Variants in ANKS1B observed in about 807,000 individuals in gnomAD.
The protein encoded by ANKS1B is ankyrin repeat and sterile alpha motif domain-containing protein 1B.
In ANKS1B, 36 loss-of-function variants were observed where a neutral mutation model predicts 148.3. That is an observed-to-expected ratio of 0.24 (90% CI 0.19 to 0.32). The LOEUF (loss-of-function observed/expected upper bound fraction) is 0.32. Ranked by LOEUF, ANKS1B falls within the 10% of genes least tolerant of loss-of-function variation. ANKS1B has a pLI of 1.00. For synonymous variants in ANKS1B, 542 were observed against 560.8 expected, an observed-to-expected ratio of 0.97 and a Z score of 0.47; for missense variants, 1,157 against 1,542.6, an observed-to-expected ratio of 0.75 and a Z score of 4.19.
intron 17 of ANKS1B, among the ~76,000 whole-genome samples, chr12:99,028,122 T>C (rs1470764399): frequency 1.3e-5 from 2 of 152,200 alleles, no homozygotes; most frequent in African/African-American, 2.4e-5. Flanking sequence ...CTTATATGAG[T>C]GAATTAAATA....
chr12:99,466,920 T>G (rs927106631), intron 10 of ANKS1B, among the ~76,000 whole-genome samples: 1 of 152,144 alleles, frequency 6.6e-6, no homozygotes, highest in African/African-American at 2.4e-5. Context: ...AAAGAGGGAA[T>G]CCTTCCTAAC....
intron 22 of ANKS1B, among the ~76,000 whole-genome samples, chr12:98,789,415 T>C (rs1219754850): frequency 7.5e-6 from 1 of 134,156 alleles, no homozygotes; most frequent in Non-Finnish European, 1.7e-5. Flanking sequence ...GATGAAGATG[T>C]ATAGTTTTTT....
intron 12 of ANKS1B, among the ~76,000 whole-genome samples, chr12:99,259,811 T>A (rs778432888): frequency 1.3e-5 from 2 of 152,208 alleles, no homozygotes; most frequent in Non-Finnish European, 2.9e-5. Context: ...AACTTCTTTG[T>A]TTCCCATGTA....
At chr12:99,858,900 A>G (rs565151528) in intron 1 of ANKS1B, among the ~76,000 whole-genome samples, 1 of 152,146 alleles carries the variant, frequency 6.6e-6, no homozygotes, top group Non-Finnish European at 1.5e-5. Context: ...TGAGGGATAT[A>G]AGACTACACA....
intron 16 of ANKS1B, among the ~76,000 whole-genome samples, chr12:99,083,031 T>C (rs1201199164): frequency 6.6e-6 from 1 of 152,158 alleles, no homozygotes; most frequent in Admixed American, 6.6e-5. Flanking sequence ...AATTACTTCC[T>C]GAATTGGTTC....
chr12:99,824,785 C>T (rs1219189939), intron 2 of ANKS1B, among the ~76,000 whole-genome samples: 1 of 152,062 alleles, frequency 6.6e-6, no homozygotes, highest in Non-Finnish European at 1.5e-5. Context: ...AACAGTTTTA[C>T]TTATTAAAAA....
chr12:99,831,244 ACC>A (rs1305815366), intron 1 of ANKS1B, among the ~76,000 whole-genome samples: 172 of 149,876 alleles, frequency 1.1e-3, no homozygotes, highest in African/African-American at 3.9e-3. Flanking sequence ...AAAAAAAAAA[ACC>A]AAACCCATAC....
intron 8 of ANKS1B, among the ~76,000 whole-genome samples, chr12:99,660,344 T>A (rs2098470187): frequency 6.6e-6 from 1 of 150,534 alleles, no homozygotes; most frequent in Non-Finnish European, 1.5e-5. Context: ...TGCCTACCTT[T>A]ATCTTTCTTT....
At chr12:99,214,411 G>A (rs2083829758) in intron 14 of ANKS1B, among the ~76,000 whole-genome samples, 1 of 152,144 alleles carries the variant, frequency 6.6e-6, no homozygotes. Flanking sequence ...CCAGTAGGAG[G>A]TAATTGAATC....
At chr12:99,158,920 G>C (rs2076357339) in intron 14 of ANKS1B, among the ~76,000 whole-genome samples, 1 of 152,180 alleles carries the variant, frequency 6.6e-6, no homozygotes, top group East Asian at 1.9e-4. Flanking sequence ...AAGCTGTAGA[G>C]GTTCAATTCC....
intron 17 of ANKS1B, among the ~76,000 whole-genome samples, chr12:98,922,963 G>A (rs1243930553): frequency 2.6e-5 from 4 of 152,180 alleles, no homozygotes; most frequent in African/African-American, 9.7e-5. Flanking sequence ...AGTCTGGGGA[G>A]GGGAGGTGCT....
intron 12 of ANKS1B, among the ~76,000 whole-genome samples, chr12:99,379,741 T>A (rs563760054): frequency 3.3e-5 from 5 of 152,322 alleles, no homozygotes; most frequent in Non-Finnish European, 7.4e-5. Flanking sequence ...AAGTTGTGAA[T>A]CCTAGTGTCT....
chr12:98,738,353 A>G (rs1248126800), intron 9 of ANKS1B, among the ~76,000 whole-genome samples: 2 of 152,146 alleles, frequency 1.3e-5, no homozygotes, highest in African/African-American at 4.8e-5. Flanking sequence ...AATTTCCATC[A>G]CCCAGGGCTA....
chr12:99,432,088 A>C (rs1567089681), intron 11 of ANKS1B, among the ~76,000 whole-genome samples: 1 of 152,100 alleles, frequency 6.6e-6, no homozygotes, highest in Non-Finnish European at 1.5e-5. Flanking sequence ...ACATGTTTTC[A>C]CTTTCCCTTT....
At chr12:99,801,203 T>C (rs1330265487) in intron 4 of ANKS1B, among the ~76,000 whole-genome samples, 1 of 152,148 alleles carries the variant, frequency 6.6e-6, no homozygotes, top group East Asian at 1.9e-4. Flanking sequence ...TTGAGCTTTC[T>C]CTCTTATGCA....
intron 18 of ANKS1B, among the ~76,000 whole-genome samples, chr12:98,830,023 T>C (rs182255431): frequency 8.9e-4 from 136 of 152,336 alleles, no homozygotes; most frequent in Non-Finnish European, 1.8e-3. Context: ...GGACCTTCTA[T>C]GATAGATTTA....
intron 8 of ANKS1B, among the ~76,000 whole-genome samples, chr12:99,722,046 G>T (rs1435289062): frequency 1.3e-5 from 2 of 152,240 alleles, no homozygotes; most frequent in Non-Finnish European, 2.9e-5. Context: ...AAGGCTGAGA[G>T]AGGCAAAGAA....
At chr12:99,645,636 G>A (rs2098354443) in intron 9 of ANKS1B, among the ~76,000 whole-genome samples, 1 of 152,060 alleles carries the variant, frequency 6.6e-6, no homozygotes, top group Non-Finnish European at 1.5e-5. Flanking sequence ...TGATTTAACA[G>A]CAACCACACA....
intron 8 of ANKS1B, among the ~76,000 whole-genome samples, chr12:99,764,155 C>G (rs1317716820): frequency 2.0e-5 from 3 of 152,188 alleles, no homozygotes; most frequent in Admixed American, 6.5e-5. Context: ...TAAATGTTTG[C>G]TAAGCATGTG....
Sources: gnomAD v4.1 joint callset for allele counts (sites outside exome capture counted in the v4.1 genomes callset) on GRCh38, gnomAD v4.1.1 for gene constraint, MANE v1.5 for transcripts, NCBI Gene and HGNC (gene_info 2026-07-23, HGNC 2026-07-21) for gene names.